CHMP4B: variants seen among roughly 807,000 people sequenced by gnomAD.
CHMP4B encodes the protein charged multivesicular body protein 4B, also known as SNF7 homolog associated with Alix 1.
In CHMP4B, 1 loss-of-function variant was observed where a neutral mutation model predicts 25.1. The observed-to-expected ratio is 0.04, with a 90% confidence interval of 0.01 to 0.19. The LOEUF is 0.19. Among genes scored for constraint, CHMP4B ranks in the 10% least tolerant of loss-of-function variants. The pLI is 1.00. For missense variants in CHMP4B, 151 were observed against 289.7 expected (o/e 0.52, Z 3.48); for synonymous variants, 101 against 115.6 (o/e 0.87, Z 0.81).
At chr20:33,833,275 T>C (rs766694350) in intron 1 of CHMP4B, among the ~76,000 whole-genome samples, 16 of 152,212 alleles carry the variant, frequency 1.1e-4, no homozygotes, top group Non-Finnish European at 1.8e-4. Flanking sequence ...TACTGGTCTC[T>C]CTGAGAAATG....
rs545282888 is a variant in CHMP4B, at chr20:33,833,847, G to T, written c.191-14620G>T. 3.3e-5 allele frequency among the ~76,000 whole-genome samples: 5 copies of T among 152,212 alleles called. No individual in the cohort carries two copies. In the South Asian group the frequency reaches 1.0e-3, roughly 32 times the overall value. On this transcript the variant is annotated intron_variant, in intron 1 of 4. Transcript: ENST00000217402. Reference sequence around the variant, plus strand: ...GCTGACCTCTGTCATGTATTACATTGTCCATATCTGCTGGCCTGTGAATTC... The same window carrying T: ...GCTGACCTCTGTCATGTATTACATTTTCCATATCTGCTGGCCTGTGAATTC...
intron 1 of CHMP4B, among the ~76,000 whole-genome samples, chr20:33,841,634 G>A (rs902528189): frequency 5.3e-5 from 8 of 152,170 alleles, no homozygotes; most frequent in Non-Finnish European, 1.2e-4. Context: ...GCCTAGCCTT[G>A]CCCTGCCTTC....
intron 1 of CHMP4B, among the ~76,000 whole-genome samples, chr20:33,817,125 GC>G (rs1355762244): frequency 2.6e-5 from 4 of 152,212 alleles, no homozygotes; most frequent in African/African-American, 9.6e-5. Context: ...GCATGTGCCA[GC>G]AGTATCTCTT....
chr20:33,812,992 T>G (rs77394981), intron 1 of CHMP4B, among the ~76,000 whole-genome samples: 1 of 152,020 alleles, frequency 6.6e-6, no homozygotes, highest in African/African-American at 2.4e-5. Context: ...GAAGAAAATA[T>G]TGTCCGGGGG....
intron 1 of CHMP4B, among the ~76,000 whole-genome samples, chr20:33,813,208 AG>A (rs1339654995): frequency 6.6e-6 from 1 of 150,594 alleles, no homozygotes; most frequent in African/African-American, 2.4e-5. Context: ...AAAGGCTCGG[AG>A]GTTAGCAGGT....
At chr20:33,836,863 A>G (rs1466007317) in intron 1 of CHMP4B, among the ~76,000 whole-genome samples, 1 of 152,114 alleles carries the variant, frequency 6.6e-6, no homozygotes, top group Non-Finnish European at 1.5e-5. Flanking sequence ...CTTGATGTCC[A>G]GTGTCTCAAA....
chr20:33,827,400 A>G (rs887603316), intron 1 of CHMP4B, among the ~76,000 whole-genome samples: 3 of 152,256 alleles, frequency 2.0e-5, no homozygotes, highest in African/African-American at 7.2e-5. Flanking sequence ...GTTTCACTGC[A>G]TAAAAAGATG....
At chr20:33,819,443 A>G (rs940244335) in intron 1 of CHMP4B, among the ~76,000 whole-genome samples, 3 of 152,168 alleles carry the variant, frequency 2.0e-5, no homozygotes, top group East Asian at 1.9e-4. Flanking sequence ...AGGAACCCCT[A>G]AAGTTTGTTT....
intron 1 of CHMP4B, among the ~76,000 whole-genome samples, chr20:33,844,922 C>G (rs986891983): frequency 3.3e-5 from 5 of 152,100 alleles, no homozygotes; most frequent in African/African-American, 7.2e-5. Context: ...CCACACCCGG[C>G]TAATTTTTTT....
At position 33,853,953 on chromosome 20, in the gene CHMP4B, A is replaced by T. The variant is rs1446448962; in HGVS notation, c.*393A>T. ...CCTTGTAAGTCAGTTGACTTGCCGC[A>T]CATCTCTTTGTGTACTTGTACGGTA... On this transcript the variant is annotated 3_prime_UTR_variant, in exon 5 of 5. Coordinates refer to ENST00000217402, the MANE Select transcript of CHMP4B (RefSeq NM_176812.5). The T allele has an allele frequency of 6.3e-6, 2 of 319,104 alleles. No homozygotes were observed. The highest frequency in any genetic ancestry group is 1.2e-5 in the Non-Finnish European group (2 of 164,390). The allele number at this position is 319,104 out of a possible 1,614,324, so 19.8% of individuals were successfully genotyped here.
intron 3 of CHMP4B, 21 bp from the exon 4 acceptor site, chr20:33,852,056 C>G: frequency 6.2e-7 from 1 of 1,613,572 alleles, no homozygotes; most frequent in Non-Finnish European, 8.5e-7. Context: ...AGGGCGCTCA[C>G]TTTGTGTTTC....
At chr20:33,849,614 AT>A (rs1420976634) in intron 2 of CHMP4B, among the ~76,000 whole-genome samples, 1 of 152,162 alleles carries the variant, frequency 6.6e-6, no homozygotes, top group Non-Finnish European at 1.5e-5. Flanking sequence ...AAAATAAAAA[AT>A]AAAAAATAAA....
intron 1 of CHMP4B, among the ~76,000 whole-genome samples, chr20:33,815,628 T>C (rs1397832801): frequency 6.6e-6 from 1 of 152,258 alleles, no homozygotes; most frequent in Non-Finnish European, 1.5e-5. Context: ...TAAGATGTGA[T>C]GGTCACATTC....
At chr20:33,853,446 C>T in intron 4 of CHMP4B, 50 bp from the exon 5 acceptor site, 1 of 1,557,928 alleles carries the variant, frequency 6.4e-7, no homozygotes, top group Non-Finnish European at 8.9e-7. Context: ...CCGGCCAGAA[C>T]ATGTTGAACG....
intron 1 of CHMP4B, among the ~76,000 whole-genome samples, chr20:33,828,461 G>C (rs993161815): frequency 1.1e-4 from 17 of 152,214 alleles, no homozygotes; most frequent in Non-Finnish European, 1.5e-5. Context: ...GCAAACAGTT[G>C]CTATTTTAGG....
intron 1 of CHMP4B, among the ~76,000 whole-genome samples, chr20:33,844,070 T>G (rs1568610628): frequency 6.6e-6 from 1 of 152,222 alleles, no homozygotes; most frequent in Non-Finnish European, 1.5e-5. Flanking sequence ...AGGGGAGTCC[T>G]GGGGGGATAC....
Position 33,813,480 on chromosome 20 carries a change from G to A in CHMP4B, c.190+1822G>A, listed in dbSNP as rs75462058. On this transcript the variant is annotated intron_variant, in intron 1 of 4. Transcript: ENST00000217402. The stretch of plus-strand genomic sequence containing the variant: ...GAGCAGGGAGAACAGTGAGGAGGCA[G>A]CTGCAGTGGTCCATTTGTGGCTTGG... Among the ~76,000 whole-genome samples the A allele has an allele frequency of 7.7e-3, 1,174 of 152,284 alleles. 18 individuals carry two copies. The highest frequency in any genetic ancestry group is 0.027 in the African/African-American group (1,105 of 41,558).
intron 1 of CHMP4B, among the ~76,000 whole-genome samples, chr20:33,820,893 A>G (rs1978921462): frequency 6.6e-6 from 1 of 152,228 alleles, no homozygotes; most frequent in Non-Finnish European, 1.5e-5. Context: ...GGACATGAGA[A>G]TGGATCAGTG....
intron 1 of CHMP4B, among the ~76,000 whole-genome samples, chr20:33,822,103 G>C (rs959238998): frequency 6.6e-6 from 1 of 151,912 alleles, no homozygotes; most frequent in Admixed American, 6.6e-5. Flanking sequence ...GGGATTACAG[G>C]TGTGAGCTGC....
Sources: gnomAD v4.1 joint callset for allele counts (sites outside exome capture counted in the v4.1 genomes callset) on GRCh38, gnomAD v4.1.1 for gene constraint, MANE v1.5 for transcripts, NCBI Gene and HGNC (gene_info 2026-07-23, HGNC 2026-07-21) for gene names.